Variants in BIRC6 observed in about 807,000 individuals in gnomAD.
BIRC6 encodes the protein dual E2 ubiquitin-conjugating enzyme/E3 ubiquitin-protein ligase BIRC6.
BIRC6 carries 98 observed loss-of-function variants against 503.3 expected under a neutral mutation model. The observed-to-expected ratio is 0.19, with a 90% confidence interval of 0.17 to 0.23. BIRC6 has a LOEUF of 0.23. BIRC6 is among the 10% of genes least tolerant of loss of function. BIRC6 has a pLI of 1.00. For synonymous variants in BIRC6, 2,240 were observed against 2,078.7 expected (o/e 1.08, Z -2.11); for missense variants, 5,360 against 5,806.0 (o/e 0.92, Z 2.50).
intron 11 of BIRC6, 124 bp downstream of exon 11, chr2:32,429,419 C>T: frequency 1.4e-6 from 1 of 728,286 alleles, no homozygotes; most frequent in Non-Finnish European, 2.0e-6. Flanking sequence ...TGGTATGTTA[C>T]TCAATATTTG....
chr2:32,445,664 A>G lies in BIRC6; in HGVS notation c.4480A>G (p.Thr1494Ala). The G allele has an allele frequency of 6.5e-7, 1 of 1,544,002 alleles. No individual in the cohort carries two copies. Among genetic ancestry groups the G allele is most frequent in the East Asian group, 2.3e-5 (1 of 42,706 alleles). ...RLTPMEALLQ[T>A]RYGLYSSPFD... ...AACACCAATGGAGGCTTTACTTCAG[A>G]CAAGGTATTTTAGTATATCTAATGA... The change falls in exon 21 of 74, where the codon ACA becomes GCA. Residue 1494 changes from threonine (T) to alanine (A), a missense_variant. Physicochemically the swap from Thr to Ala is moderately conservative, Grantham distance 58 (BLOSUM62 0). This residue lies in a region of BIRC6 where 2,299 missense variants were observed against 2,267.2 expected (regional missense o/e 1.01). Transcript: ENST00000421745.
At chr2:32,369,926 TAAAAAAAAAAA>T (rs756693528) in intron 1 of BIRC6, among the ~76,000 whole-genome samples, 1 of 37,794 alleles carries the variant, frequency 2.6e-5, no homozygotes, top group African/African-American at 1.2e-4. Context: ...CCCTGTCTCT[TAAAAAAAAAAA>T]AAAAAAAAAT....
intron 66 of BIRC6, among the ~76,000 whole-genome samples, chr2:32,589,657 GTTGT>G (rs2061284977): frequency 6.6e-6 from 1 of 152,246 alleles, no homozygotes; most frequent in South Asian, 2.1e-4. Context: ...AACAAGTTCA[GTTGT>G]TTGTCAGTCT....
chr2:32,599,981 T>C (rs1482331021), intron 70 of BIRC6, 81 bp downstream of exon 70: 2 of 1,384,020 alleles, frequency 1.4e-6, no homozygotes, highest in Non-Finnish European at 2.0e-6. Context: ...AAATTTTGTT[T>C]TAGTTATCTG....
chr2:32,378,086 A>G (rs1432519407), intron 2 of BIRC6, among the ~76,000 whole-genome samples: 2 of 152,128 alleles, frequency 1.3e-5, no homozygotes, highest in Non-Finnish European at 2.9e-5. Context: ...GTGTATGGCC[A>G]TCATTGCCAA....
chr2:32,609,792 T>A (rs1199823703), intron 72 of BIRC6, among the ~76,000 whole-genome samples: 2 of 152,112 alleles, frequency 1.3e-5, no homozygotes, highest in African/African-American at 4.8e-5. Context: ...GCATATCATT[T>A]TTTTCAGGAA....
Position 32,515,609 on chromosome 2 carries a change from A to G in BIRC6, c.11188A>G (p.Asn3730Asp), listed in dbSNP as rs774642267. Residue 3730 changes from asparagine to aspartate, a missense_variant, in exon 55 of 74, where the codon AAT becomes GAT. Transcript: ENST00000421745. ...CTCTGGGTCCACTTCTGGAAGCCATAATTTAGGTGCACAACAGACCAGTGC... is the reference window on the plus strand; with the variant it reads ...CTCTGGGTCCACTTCTGGAAGCCATGATTTAGGTGCACAACAGACCAGTGC... ...CHSGSTSGSH[N>D]LGAQQTSARS... 9 of 1,613,714 alleles carry G rather than the reference A, an allele frequency of 5.6e-6. No individual in the cohort carries two copies. The highest frequency in any genetic ancestry group is 4.4e-5 in the South Asian group (4 of 91,080).
Position 32,617,916 on chromosome 2 carries a change from G to C in BIRC6, c.*12G>C, listed in dbSNP as rs1559168026. ...ACTTCCAGTTATGAGCTGCATTGATGTGGACTTCATAGACACAAAGGCTTC... is the reference window on the plus strand; with the variant it reads ...ACTTCCAGTTATGAGCTGCATTGATCTGGACTTCATAGACACAAAGGCTTC... On this transcript the variant is annotated 3_prime_UTR_variant, in exon 74 of 74. Transcript: ENST00000421745. The C allele has an allele frequency of 6.2e-7, 1 of 1,603,586 alleles. No homozygotes were observed. Among genetic ancestry groups the C allele is most frequent in the East Asian group, 2.2e-5 (1 of 44,610 alleles).
At chr2:32,438,627 TTGGCTCA>T (rs2045030105) in intron 15 of BIRC6, among the ~76,000 whole-genome samples, 3 of 151,140 alleles carry the variant, frequency 2.0e-5, no homozygotes, top group Non-Finnish European at 4.4e-5. Context: ...TGGTGCCATC[TTGGCTCA>T]CGGCAAGCTC....
At chr2:32,482,348 T>A in intron 38 of BIRC6, 81 bp from the exon 39 acceptor site, 1 of 1,337,034 alleles carries the variant, frequency 7.5e-7, no homozygotes. Context: ...TGTAGTTCTG[T>A]TTGGGTTTAG....
intron 72 of BIRC6, among the ~76,000 whole-genome samples, chr2:32,609,829 G>T (rs2151700011): frequency 6.6e-6 from 1 of 152,002 alleles, no homozygotes; most frequent in African/African-American, 2.4e-5. Flanking sequence ...CTCAGAGAAG[G>T]GGATGACTTT....
intron 3 of BIRC6, among the ~76,000 whole-genome samples, chr2:32,388,035 C>A (rs577685534): frequency 7.9e-5 from 12 of 152,226 alleles, no homozygotes; most frequent in Non-Finnish European, 1.3e-4. Context: ...AACTCACCTA[C>A]TTACCATTTC....
rs1422381040 is a variant in BIRC6, at chr2:32,575,225, G to T, written c.13214G>T (p.Cys4405Phe). The T allele has an allele frequency of 1.2e-6, 2 of 1,613,884 alleles. No homozygotes were observed. The highest frequency in any genetic ancestry group is 1.7e-6 in the Non-Finnish European group (2 of 1,179,902). Residue 4405 changes from cysteine to phenylalanine, a missense_variant, in exon 66 of 74, where the codon TGT becomes TTT. This residue lies in a region of BIRC6 where 477 missense variants were observed against 574.4 expected (regional missense o/e 0.83). Transcript: ENST00000421745. ...LLELLRAIAS[C>F]AAMVPLLLPL... The stretch of plus-strand genomic sequence containing the variant: ...GAATTGCTTCGGGCCATTGCTTCTT[G>T]TGCTGCCATGGTGCCCCTATTGTTG...
intron 51 of BIRC6, among the ~76,000 whole-genome samples, chr2:32,508,881 G>T (rs748662350): frequency 6.6e-6 from 1 of 151,912 alleles, no homozygotes; most frequent in Non-Finnish European, 1.5e-5. Flanking sequence ...TCAGGAGATC[G>T]AAACCATCCT....
intron 11 of BIRC6, 76 bp downstream of exon 11, chr2:32,429,371 G>A: frequency 8.9e-7 from 1 of 1,125,934 alleles, no homozygotes. Flanking sequence ...GTTGGAAGAT[G>A]TAAACATATT....
chr2:32,608,749 G>C (rs190693444), intron 72 of BIRC6, among the ~76,000 whole-genome samples: 9 of 152,028 alleles, frequency 5.9e-5, no homozygotes, highest in Admixed American at 5.9e-4. Context: ...CCTTCTACTA[G>C]CAAACTCTCT....
chr2:32,566,398 C>T (rs2059535740), intron 65 of BIRC6: 1 of 152,198 alleles, frequency 6.6e-6, no homozygotes, highest in South Asian at 2.1e-4. Flanking sequence ...CTTGCCCAGG[C>T]TTGGAGTACA....
At chr2:32,434,021 A>G (rs1030785742) in intron 13 of BIRC6, among the ~76,000 whole-genome samples, 3 of 152,196 alleles carry the variant, frequency 2.0e-5, no homozygotes, top group Admixed American at 6.5e-5. Context: ...CTTGAATCAT[A>G]TAATTATACT....
Position 32,594,030 on chromosome 2 carries a change from G to A in BIRC6, c.13471G>A (p.Ala4491Thr). The A allele has an allele frequency of 6.2e-7, 1 of 1,612,112 alleles. No individual in the cohort carries two copies. Among genetic ancestry groups the A allele is most frequent in the Non-Finnish European group, 8.5e-7 (1 of 1,179,032 alleles). ...AAAGACTGCTGAGATAGTTTATGCA[G>A]CCACCACCAGTTTGCGGCAAGCAAA... is the stretch of plus-strand genomic sequence containing the variant. Reference protein sequence around the residue: ...IQKTAEIVYAATTSLRQANQE... With the variant: ...IQKTAEIVYATTTSLRQANQE... The change falls in exon 67 of 74, where the codon GCC becomes ACC. Residue 4491 changes from alanine to threonine, a missense_variant. By Grantham distance (58) the Ala-to-Thr change is moderately conservative (BLOSUM62 0). Around this residue, in one of 16 missense-constraint regions of BIRC6, gnomAD observed 477 missense variants for 574.4 expected, o/e 0.83. Transcript: ENST00000421745.
Sources: allele counts gnomAD v4.1 joint callset (sites outside exome capture counted in the v4.1 genomes callset), GRCh38; gene constraint gnomAD v4.1.1; regional missense constraint gnomAD v4.1.1; transcripts MANE v1.5; gene names NCBI Gene and HGNC (gene_info 2026-07-23, HGNC 2026-07-21).